The following ST3GAL1 variants were observed in gnomAD, a reference collection of about 807,000 sequenced individuals.
The protein encoded by ST3GAL1 is CMP-N-acetylneuraminate-beta-galactosamide-alpha-2,3-sialyltransferase 1.
Under a neutral mutation model 34.1 loss-of-function variants are expected in ST3GAL1, and 16 were observed. The ratio of observed to expected loss-of-function variants is 0.47; its 90% CI spans 0.32 to 0.71. The LOEUF is 0.71. Among genes scored for constraint, ST3GAL1 ranks in the 30% least tolerant of loss-of-function variants. The pLI is 0.04. For synonymous variants in ST3GAL1, 191 were observed against 184.7 expected, an observed-to-expected ratio of 1.03 and a Z score of -0.28; for missense variants, 353 against 447.4, an observed-to-expected ratio of 0.79 and a Z score of 1.90.
rs1816163804 is a variant in ST3GAL1 at position 133,475,989 on chromosome 8, G to A, written c.36C>T (p.Leu12=). 1 of 1,610,278 alleles carries A rather than the reference G, an allele frequency of 6.2e-7. No homozygotes were observed. Among genetic ancestry groups the A allele is most frequent in the Admixed American group, 1.7e-5 (1 of 59,760 alleles). ...VTLRKRTLKV[L]TFLVLFIFLT... Reference sequence around the variant, plus strand: ...GGAAGATGAAGAGCACGAGGAAGGTGAGCACTTTCAGGGTCCTCTTCCGCA... The same window carrying A: ...GGAAGATGAAGAGCACGAGGAAGGTAAGCACTTTCAGGGTCCTCTTCCGCA... Residue 12 remains leucine (L), a synonymous_variant, in exon 5 of 10, where the codon CTC becomes CTT. Coordinates refer to ENST00000522652, the MANE Select transcript of ST3GAL1 (RefSeq NM_173344.3).
intron 2 of ST3GAL1, among the ~76,000 whole-genome samples, chr8:133,536,711 C>T (rs934999977): frequency 6.6e-6 from 1 of 152,168 alleles, no homozygotes; most frequent in Non-Finnish European, 1.5e-5. Flanking sequence ...CTGTCAATTA[C>T]TCAGCCTTTA....
Position 133,466,197 on chromosome 8 carries a change from C to T in ST3GAL1, c.307-107G>A. Reference sequence around the variant, plus strand: ...TCGTTTACTGGGGCCCTCCTGTTCACCCTTCTCTCTGCTGGGCCCCCGGAG... The same window carrying T: ...TCGTTTACTGGGGCCCTCCTGTTCATCCTTCTCTCTGCTGGGCCCCCGGAG... On this transcript the variant is annotated intron_variant, in intron 5 of 9. Transcript: ENST00000522652. The surrounding 1 kb of genome is among the most constrained non-coding windows in gnomAD (Gnocchi z 4.4). The T allele has an allele frequency of 8.6e-7, 1 of 1,169,142 alleles. No homozygotes were observed. The highest frequency in any genetic ancestry group is 1.6e-5 in the South Asian group (1 of 64,022). 72.4% of individuals were successfully genotyped at this position (1,169,142 alleles called of 1,614,324 possible).
intron 9 of ST3GAL1, 152 bp from the exon 10 acceptor site, chr8:133,460,089 A>G: frequency 1.3e-6 from 1 of 764,464 alleles, no homozygotes; most frequent in South Asian, 2.6e-5. Context: ...ACCCTTCTCT[A>G]CGTTCCTGGA....
chr8:133,496,885 C>CT (rs1456220671), intron 3 of ST3GAL1, among the ~76,000 whole-genome samples: 5 of 152,216 alleles, frequency 3.3e-5, no homozygotes, highest in Admixed American at 1.3e-4. Context: ...AGGAGCCCTT[C>CT]TTTTTTAACA....
Position 133,570,432 on chromosome 8 carries a change from T to G in ST3GAL1, c.-582+1261A>C. The G allele has an allele frequency of 6.6e-6, 1 of 150,854 alleles. No individual in the cohort carries two copies. Among genetic ancestry groups the G allele is most frequent in the East Asian group, 2.0e-4 (1 of 5,112 alleles). 9.3% of individuals were successfully genotyped at this position (150,854 alleles called of 1,614,324 possible). A position where few individuals can be genotyped will look rare whatever the true frequency, so the allele number is the denominator to read the frequency against. ...AGTGACCTGCCCAACCCCCACCCCC[T>G]TGCGCGCTTCTGGGTGCGCACGTGT... On this transcript the variant is annotated intron_variant, in intron 1 of 9. Transcript: ENST00000522652. This position sits in a 1 kb window ranked among gnomAD's most constrained non-coding sequence, Gnocchi z 5.6.
intron 1 of ST3GAL1, among the ~76,000 whole-genome samples, chr8:133,557,844 G>A (rs1463842015): frequency 6.7e-6 from 1 of 149,958 alleles, no homozygotes; most frequent in African/African-American, 2.5e-5. Context: ...GGCGGAGGTT[G>A]CAGTGAGCTG....
intron 2 of ST3GAL1, among the ~76,000 whole-genome samples, chr8:133,526,811 G>A (rs1343015595): frequency 1.3e-5 from 2 of 152,144 alleles, no homozygotes; most frequent in Non-Finnish European, 2.9e-5. Context: ...GGGGTGCACT[G>A]TTGTTCCTGG....
At chr8:133,561,053 C>T (rs1819205061) in intron 1 of ST3GAL1, among the ~76,000 whole-genome samples, 2 of 150,970 alleles carry the variant, frequency 1.3e-5, no homozygotes, top group Non-Finnish European at 2.9e-5. Context: ...CTAGAAAATG[C>T]AATCAACTGA....
intron 8 of ST3GAL1, 93 bp downstream of exon 8, chr8:133,463,321 G>A: frequency 7.0e-7 from 1 of 1,436,750 alleles, no homozygotes; most frequent in Non-Finnish European, 9.7e-7. Flanking sequence ...TGGGGATCTG[G>A]GGGCTGTCTT....
intron 2 of ST3GAL1, among the ~76,000 whole-genome samples, chr8:133,503,161 G>A (rs1285211893): frequency 6.6e-6 from 1 of 152,210 alleles, no homozygotes; most frequent in Non-Finnish European, 1.5e-5. Context: ...AACACCTGTT[G>A]CAAGTCACTG....
In ST3GAL1 at chr8:133,483,232, C is replaced by T. The variant is rs868665298; in HGVS notation, c.-373-6632G>A. Among the ~76,000 whole-genome samples, 6 of 152,264 alleles carry T rather than the reference C, an allele frequency of 3.9e-5. No homozygotes were observed. In the South Asian group the frequency reaches 1.2e-3, roughly 32 times the overall value. On this transcript the variant is annotated intron_variant, in intron 3 of 9. Transcript: ENST00000522652. ...TGGCAGGCACCTGTAATCCCAGCTA[C>T]TTAGGAGGCTGAGGCAGGAGAATCG...
intron 1 of ST3GAL1, among the ~76,000 whole-genome samples, chr8:133,554,071 G>A (rs1224856708): frequency 2.6e-5 from 4 of 152,154 alleles, no homozygotes; most frequent in Admixed American, 1.3e-4. Context: ...GCTGTATAGC[G>A]GTTTCTGATT....
chr8:133,497,603 G>A (rs1242964384), intron 3 of ST3GAL1, among the ~76,000 whole-genome samples: 1 of 151,752 alleles, frequency 6.6e-6, no homozygotes, highest in African/African-American at 2.4e-5. Flanking sequence ...CTCCCGAGTA[G>A]CTGGGATTAC....
chr8:133,499,226 T>C (rs2130991499), intron 2 of ST3GAL1, 37 bp from the exon 3 acceptor site: 1 of 152,326 alleles, frequency 6.6e-6, no homozygotes, highest in East Asian at 1.9e-4. Context: ...AGACTTAGCA[T>C]GGGGAGAGGG....
intron 1 of ST3GAL1, among the ~76,000 whole-genome samples, chr8:133,562,752 A>C (rs1430686886): frequency 1.3e-5 from 2 of 151,398 alleles, no homozygotes; most frequent in Non-Finnish European, 2.9e-5. Context: ...GCTCCAGTCG[A>C]GTCTTCTAAG....
intron 5 of ST3GAL1, among the ~76,000 whole-genome samples, chr8:133,468,531 C>A (rs746055640): frequency 6.6e-6 from 1 of 152,130 alleles, no homozygotes; most frequent in Admixed American, 6.5e-5. Flanking sequence ...TGACAAAAAT[C>A]TGCTAGTTAT....
chr8:133,561,605 A>C (rs1375538724), intron 1 of ST3GAL1, among the ~76,000 whole-genome samples: 1 of 151,758 alleles, frequency 6.6e-6, no homozygotes, highest in Admixed American at 6.6e-5. Flanking sequence ...CCATCAGCTG[A>C]CTCTAGGATC....
At position 133,457,521 on chromosome 8, in the gene ST3GAL1, C is replaced by T. The variant is rs1487433078; in HGVS notation, c.*2243G>A. The T allele has an allele frequency of 6.6e-6, 1 of 152,060 alleles. No homozygotes were observed. The highest frequency in any genetic ancestry group is 2.4e-5 in the African/African-American group (1 of 41,390). The allele number at this position is 152,060 out of a possible 1,614,324, so 9.4% of individuals were successfully genotyped here. On this transcript the variant is annotated 3_prime_UTR_variant, in exon 10 of 10. Coordinates refer to ENST00000522652, the MANE Select transcript of ST3GAL1 (RefSeq NM_173344.3). ...ATATATGGGTGTGAGCTCTGCCCTTCGAGGCTGTATGTTCTGAATGATGAC... is the reference window on the plus strand; with the variant it reads ...ATATATGGGTGTGAGCTCTGCCCTTTGAGGCTGTATGTTCTGAATGATGAC...
At chr8:133,465,019 A>G in intron 6 of ST3GAL1, 62 bp from the exon 7 acceptor site, 2 of 1,522,676 alleles carry the variant, frequency 1.3e-6, no homozygotes, top group Non-Finnish European at 1.8e-6. Flanking sequence ...AGACAGCCTG[A>G]GAGCTCCGAG....
Sources: allele counts gnomAD v4.1 joint callset (sites outside exome capture counted in the v4.1 genomes callset), GRCh38; gene constraint gnomAD v4.1.1; non-coding constraint Gnocchi (gnomAD v3.1); transcripts MANE v1.5; gene names NCBI Gene and HGNC (gene_info 2026-07-23, HGNC 2026-07-21).